The following RUNX1 variants were observed in gnomAD, a reference collection of about 807,000 sequenced individuals.
RUNX1 encodes the protein RUNX family transcription factor 1.
RUNX1 carries 19 observed loss-of-function variants against 42.8 expected under a neutral mutation model. The observed-to-expected ratio is 0.44, with a 90% confidence interval of 0.31 to 0.65. The LOEUF (loss-of-function observed/expected upper bound fraction) is 0.65. Among genes scored for constraint, RUNX1 ranks in the 30% least tolerant of loss-of-function variants. The pLI is 0.07. For synonymous variants in RUNX1, 271 were observed against 289.4 expected (o/e 0.94, Z 0.64); for missense variants, 528 against 672.0 (o/e 0.79, Z 2.37).
intron 3 of RUNX1, chr21:34,888,472 G>A: frequency 9.4e-6 from 10 of 1,066,648 alleles, no homozygotes; most frequent in Non-Finnish European, 1.1e-5. Flanking sequence ...CAGCCAAGAA[G>A]CCAGTTAATT....
At chr21:34,819,860 C>A (rs1165623098) in intron 7 of RUNX1, among the ~76,000 whole-genome samples, 1 of 152,250 alleles carries the variant, frequency 6.6e-6, no homozygotes, top group African/African-American at 2.4e-5. Flanking sequence ...GTTTGCCATC[C>A]TGCTTCTGGC....
chr21:34,858,030 A>C (rs2057519743), intron 6 of RUNX1, among the ~76,000 whole-genome samples: 2 of 152,238 alleles, frequency 1.3e-5, no homozygotes, highest in African/African-American at 4.8e-5. Context: ...GGAGGGAGTC[A>C]CCGAGCACAG....
chr21:34,810,046 C>G (rs1196898166), intron 7 of RUNX1, among the ~76,000 whole-genome samples: 1 of 152,216 alleles, frequency 6.6e-6, no homozygotes, highest in African/African-American at 2.4e-5. Flanking sequence ...TCTCTGTGCC[C>G]AAGTGCTGTC....
intron 2 of RUNX1, among the ~76,000 whole-genome samples, chr21:35,034,486 C>G (rs2059293278): frequency 6.6e-6 from 1 of 152,174 alleles, no homozygotes; most frequent in Non-Finnish European, 1.5e-5. Flanking sequence ...TTGTGGGAAG[C>G]AGCAACAGTA....
intron 6 of RUNX1, among the ~76,000 whole-genome samples, chr21:34,855,500 T>A: frequency 6.6e-6 from 1 of 151,458 alleles, no homozygotes; most frequent in East Asian, 1.9e-4. Flanking sequence ...AGGTCAGGAG[T>A]TCGAGACCAG....
At chr21:34,816,835 G>C (rs117733978) in intron 7 of RUNX1, among the ~76,000 whole-genome samples, 38 of 152,160 alleles carry the variant, frequency 2.5e-4, no homozygotes, top group Non-Finnish European at 1.2e-4. Context: ...CCTCCTGTTC[G>C]TTGGCTTGAC....
intron 2 of RUNX1, among the ~76,000 whole-genome samples, chr21:34,973,877 AT>A (rs771889695): frequency 6.6e-6 from 1 of 152,170 alleles, no homozygotes; most frequent in Non-Finnish European, 1.5e-5. Flanking sequence ...TGATGGCTTT[AT>A]CTACATTTAC....
intron 2 of RUNX1, among the ~76,000 whole-genome samples, chr21:34,897,862 T>C (rs1443261105): frequency 1.3e-5 from 2 of 152,262 alleles, no homozygotes; most frequent in East Asian, 3.9e-4. Flanking sequence ...TTATGTTACA[T>C]GGAAAAAAAG....
At chr21:34,996,403 G>C (rs1415118586) in intron 2 of RUNX1, among the ~76,000 whole-genome samples, 1 of 152,096 alleles carries the variant, frequency 6.6e-6, no homozygotes, top group African/African-American at 2.4e-5. Context: ...GGGGCTGGGG[G>C]AGATCTATCA....
intron 2 of RUNX1, among the ~76,000 whole-genome samples, chr21:35,037,576 C>T (rs943388438): frequency 6.6e-6 from 1 of 152,198 alleles, no homozygotes; most frequent in Admixed American, 6.5e-5. Context: ...GTCCCCTCCA[C>T]GGGCAGACAG....
intron 8 of RUNX1, among the ~76,000 whole-genome samples, chr21:34,794,808 C>T (rs141759920): frequency 4.5e-4 from 69 of 152,284 alleles, no homozygotes; most frequent in African/African-American, 1.6e-3. Context: ...GGGGCTGTCT[C>T]GTTCATCGTA....
intron 2 of RUNX1, among the ~76,000 whole-genome samples, chr21:35,017,354 G>A (rs1405710753): frequency 1.3e-5 from 2 of 152,126 alleles, no homozygotes; most frequent in Non-Finnish European, 2.9e-5. Flanking sequence ...TTGTGCTAGG[G>A]GAGCTCCGAG....
intron 5 of RUNX1, among the ~76,000 whole-genome samples, chr21:34,880,216 G>A (rs1295243939): frequency 3.3e-5 from 5 of 152,170 alleles, no homozygotes; most frequent in Non-Finnish European, 4.4e-5. Context: ...TTATCCAAGA[G>A]AGAATCCTCA....
intron 5 of RUNX1, among the ~76,000 whole-genome samples, chr21:34,860,295 A>T (rs1236392372): frequency 6.6e-6 from 1 of 152,202 alleles, no homozygotes; most frequent in Non-Finnish European, 1.5e-5. Flanking sequence ...CATTGCATAG[A>T]TTTACTAATC....
chr21:34,877,500 G>A (rs182255952), intron 5 of RUNX1, among the ~76,000 whole-genome samples: 16 of 152,180 alleles, frequency 1.1e-4, no homozygotes, highest in Non-Finnish European at 1.9e-4. Context: ...AGGAGCGGTC[G>A]ATTTACATGG....
intron 2 of RUNX1, among the ~76,000 whole-genome samples, chr21:35,048,017 G>T (rs1349319851): frequency 1.3e-5 from 2 of 152,186 alleles, no homozygotes; most frequent in Non-Finnish European, 2.9e-5. Context: ...ATTTCAAGAG[G>T]CTGGTTTCAA....
intron 2 of RUNX1, among the ~76,000 whole-genome samples, chr21:34,920,813 C>CAT (rs1037613150): frequency 1.6e-4 from 25 of 151,962 alleles, no homozygotes; most frequent in Non-Finnish European, 2.2e-4. Flanking sequence ...ATTGTGGTAA[C>CAT]ATATATATAT....
At chr21:34,908,134 T>C (rs1034148340) in intron 2 of RUNX1, among the ~76,000 whole-genome samples, 3 of 152,202 alleles carry the variant, frequency 2.0e-5, no homozygotes, top group Non-Finnish European at 4.4e-5. Flanking sequence ...ATTTCTTCCC[T>C]TTCAAAGTGG....
intron 2 of RUNX1, among the ~76,000 whole-genome samples, chr21:34,934,693 T>C (rs1225406604): frequency 6.6e-6 from 1 of 152,134 alleles, no homozygotes. Flanking sequence ...TTGTGGACAC[T>C]GGGTCTGCAG....
Sources: gnomAD v4.1 joint callset for allele counts (sites outside exome capture counted in the v4.1 genomes callset) on GRCh38, gnomAD v4.1.1 for gene constraint, MANE v1.5 for transcripts, NCBI Gene and HGNC (gene_info 2026-07-23, HGNC 2026-07-21) for gene names.